The following PDZRN3 variants were observed in gnomAD, a reference collection of about 807,000 sequenced individuals.
PDZRN3 encodes PDZ domain containing ring finger 3.
Under a neutral mutation model 85.7 loss-of-function variants are expected in PDZRN3, and 38 were observed. That is an observed-to-expected ratio of 0.44 (90% CI 0.34 to 0.58). The LOEUF is 0.58. PDZRN3 is among the 20% of genes least tolerant of loss of function. The pLI is 0.01. For missense variants in PDZRN3, 1,629 were observed against 1,506.4 expected (o/e 1.08, Z -1.35); for synonymous variants, 759 against 638.0 (o/e 1.19, Z -2.86).
chr3:73,383,469 T>A lies in PDZRN3; in HGVS notation c.3097A>T (p.Ile1033Phe). 1 of 1,614,152 alleles carries A rather than the reference T, an allele frequency of 6.2e-7. No homozygotes were observed. Among genetic ancestry groups the A allele is most frequent in the Non-Finnish European group, 8.5e-7 (1 of 1,180,028 alleles). The part of the protein sequence containing the change: ...KKMMKKRNKK[I>F]FDNWMTIQEL... Reference sequence around the variant, plus strand: ...TGGATCGTCATCCAGTTATCGAAGATTTTCTTATTCCTCTTCTTCATCATC... The same window carrying A: ...TGGATCGTCATCCAGTTATCGAAGAATTTCTTATTCCTCTTCTTCATCATC... The change falls in exon 10 of 10, where the codon ATC becomes TTC. Residue 1033 changes from isoleucine to phenylalanine, a missense_variant. Transcript: ENST00000263666.
intron 3 of PDZRN3, among the ~76,000 whole-genome samples, chr3:73,482,316 A>G (rs1703578612): frequency 6.6e-6 from 1 of 152,228 alleles, no homozygotes; most frequent in Non-Finnish European, 1.5e-5. Context: ...AAAACACATT[A>G]TGATATAAAC....
At chr3:73,597,093 G>A (rs1702440658) in intron 3 of PDZRN3, among the ~76,000 whole-genome samples, 1 of 152,068 alleles carries the variant, frequency 6.6e-6, no homozygotes, top group Non-Finnish European at 1.5e-5. Context: ...TTTTTTAAAG[G>A]GGAGTCTTCT....
At chr3:73,609,285 C>T (rs568953628) in intron 1 of PDZRN3, among the ~76,000 whole-genome samples, 12 of 152,224 alleles carry the variant, frequency 7.9e-5, no homozygotes, top group Admixed American at 1.3e-4. Flanking sequence ...CCACACGAGA[C>T]GCAGAGCTGT....
At chr3:73,447,890 C>T (rs1467548091) in intron 3 of PDZRN3, among the ~76,000 whole-genome samples, 1 of 152,218 alleles carries the variant, frequency 6.6e-6, no homozygotes, top group Non-Finnish European at 1.5e-5. Context: ...ATACATTCCT[C>T]ATCTACCCAG....
chr3:73,445,708 G>A (rs1702735264), intron 3 of PDZRN3, among the ~76,000 whole-genome samples: 1 of 152,214 alleles, frequency 6.6e-6, no homozygotes, highest in African/African-American at 2.4e-5. Context: ...ACACTTGAGA[G>A]CCGGGTAAGA....
intron 3 of PDZRN3, among the ~76,000 whole-genome samples, chr3:73,416,070 G>C (rs1268351851): frequency 6.7e-6 from 1 of 149,596 alleles, no homozygotes; most frequent in Admixed American, 6.6e-5. Context: ...TTTTTTGTTT[G>C]TTTGTTTGTT....
intron 4 of PDZRN3, among the ~76,000 whole-genome samples, chr3:73,402,941 CTTTTTT>C (rs140037400): frequency 1.1e-4 from 13 of 115,630 alleles, no homozygotes; most frequent in Admixed American, 8.7e-5. Flanking sequence ...ACATGAAAAG[CTTTTTT>C]TTTTTTTTTT....
At chr3:73,619,852 G>A (rs1246927182) in intron 1 of PDZRN3, among the ~76,000 whole-genome samples, 2 of 152,224 alleles carry the variant, frequency 1.3e-5, no homozygotes, top group East Asian at 1.9e-4. Flanking sequence ...CTGATGCTAG[G>A]TAAAGAAGGA....
chr3:73,409,754 C>A (rs1212961012), intron 3 of PDZRN3, among the ~76,000 whole-genome samples: 1 of 152,142 alleles, frequency 6.6e-6, no homozygotes, highest in Non-Finnish European at 1.5e-5. Flanking sequence ...TTTCAAAACA[C>A]AGAGTCCCAG....
chr3:73,581,922 A>C (rs1308585085), intron 3 of PDZRN3, among the ~76,000 whole-genome samples: 1 of 152,086 alleles, frequency 6.6e-6, no homozygotes, highest in Non-Finnish European at 1.5e-5. Flanking sequence ...AACATGGTGA[A>C]ACCCCATCTC....
chr3:73,570,118 C>G (rs1222626435), intron 3 of PDZRN3, among the ~76,000 whole-genome samples: 1 of 152,172 alleles, frequency 6.6e-6, no homozygotes, highest in African/African-American at 2.4e-5. Flanking sequence ...CTGGCTCTGT[C>G]CTACTAGGAT....
At chr3:73,464,500 CT>C (rs1479156228) in intron 3 of PDZRN3, among the ~76,000 whole-genome samples, 3 of 152,162 alleles carry the variant, frequency 2.0e-5, no homozygotes, top group Admixed American at 2.0e-4. Flanking sequence ...GCTCTAAACT[CT>C]GCTAAGATTT....
At chr3:73,508,531 A>G (rs1003838149) in intron 3 of PDZRN3, among the ~76,000 whole-genome samples, 3 of 152,320 alleles carry the variant, frequency 2.0e-5, no homozygotes, top group Non-Finnish European at 4.4e-5. Context: ...CTCCTCGGGC[A>G]GGAGACTATC....
chr3:73,539,338 C>A (rs959681222), intron 3 of PDZRN3, among the ~76,000 whole-genome samples: 2 of 152,150 alleles, frequency 1.3e-5, no homozygotes, highest in African/African-American at 2.4e-5. Flanking sequence ...TCATTAGAGA[C>A]AATCAGTTGA....
At chr3:73,484,704 G>A (rs766284375) in intron 3 of PDZRN3, among the ~76,000 whole-genome samples, 9 of 152,138 alleles carry the variant, frequency 5.9e-5, no homozygotes, top group East Asian at 1.9e-4. Context: ...AAATATACTC[G>A]CTGCTCCTAG....
At chr3:73,606,804 A>G (rs1702606252) in intron 2 of PDZRN3, among the ~76,000 whole-genome samples, 1 of 152,226 alleles carries the variant, frequency 6.6e-6, no homozygotes, top group Non-Finnish European at 1.5e-5. Context: ...GTTGTTTCTT[A>G]TAATAAGCCA....
chr3:73,494,924 G>GA (rs1190828642), intron 3 of PDZRN3, among the ~76,000 whole-genome samples: 1 of 152,192 alleles, frequency 6.6e-6, no homozygotes, highest in Non-Finnish European at 1.5e-5. Flanking sequence ...CAAGGGAACA[G>GA]AAAACCAAAT....
intron 3 of PDZRN3, among the ~76,000 whole-genome samples, chr3:73,590,268 C>CA (rs10685167): frequency 0.016 from 1,561 of 97,398 alleles, 70 homozygotes; most frequent in African/African-American, 0.058. Flanking sequence ...GACTCTGTCT[C>CA]AAAAAAAAAA....
intron 3 of PDZRN3, among the ~76,000 whole-genome samples, chr3:73,492,750 A>G (rs1703794371): frequency 6.6e-6 from 1 of 152,182 alleles, no homozygotes; most frequent in Non-Finnish European, 1.5e-5. Flanking sequence ...AGTACTGTGT[A>G]TTTCAAAATG....
Sources: gnomAD v4.1 joint callset for allele counts (sites outside exome capture counted in the v4.1 genomes callset) on GRCh38, gnomAD v4.1.1 for gene constraint, MANE v1.5 for transcripts, NCBI Gene and HGNC (gene_info 2026-07-23, HGNC 2026-07-21) for gene names.